EVA1A: variants seen among roughly 807,000 people sequenced by gnomAD.
The protein encoded by EVA1A is eva-1 homolog A, regulator of programmed cell death, also known as protein eva-1 homolog A.
EVA1A carries 7 observed loss-of-function variants against 9.8 expected under a neutral mutation model. That is an observed-to-expected ratio of 0.71 (90% CI 0.41 to 1.34). EVA1A has a LOEUF of 1.34. EVA1A is among the 40% of genes most tolerant of loss of function. The pLI, the probability that EVA1A is intolerant of heterozygous loss-of-function variation, is 0.01. For missense variants in EVA1A, 206 were observed against 205.9 expected (o/e 1.00, Z 0.00); for synonymous variants, 90 against 85.6 (o/e 1.05, Z -0.28).
chr2:75,545,618 C>T (rs1044828868), intron 1 of EVA1A, among the ~76,000 whole-genome samples: 8 of 151,680 alleles, frequency 5.3e-5, no homozygotes, highest in Non-Finnish European at 1.2e-4. Flanking sequence ...AAGTGGTGAC[C>T]AGACATGTGA....
At chr2:75,493,851 C>T (rs1674112921) in intron 3 of EVA1A, among the ~76,000 whole-genome samples, 2 of 152,228 alleles carry the variant, frequency 1.3e-5, no homozygotes, top group South Asian at 2.1e-4. Flanking sequence ...AGATTATTCC[C>T]AAATGAAAAG....
chr2:75,522,804 A>C lies in EVA1A; in HGVS notation c.-191-317T>G, dbSNP rs150822775. On this transcript the variant is annotated intron_variant, in intron 1 of 3. Transcript: ENST00000393913. ...CAAAACAGCTAGTGTGGGATGTCCC[A>C]ATCTGGCCCCTCATCAGTGAAGTTT... Among the ~76,000 whole-genome samples, 286 of 152,350 alleles carry C rather than the reference A, an allele frequency of 1.9e-3. 1 individual carries two copies. Among genetic ancestry groups the C allele is most frequent in the African/African-American group, 6.4e-3 (265 of 41,592 alleles).
intron 3 of EVA1A, among the ~76,000 whole-genome samples, chr2:75,507,395 G>A (rs796705936): frequency 3.9e-5 from 6 of 152,168 alleles, no homozygotes; most frequent in African/African-American, 1.4e-4. Context: ...ACTGCAAATT[G>A]AGTATTCAGG....
intron 1 of EVA1A, among the ~76,000 whole-genome samples, chr2:75,531,886 G>A (rs112181008): frequency 0.031 from 4,756 of 152,158 alleles, 246 homozygotes; most frequent in African/African-American, 0.11. Context: ...ATGGCTGAGC[G>A]CGGTGGCTCA....
intron 3 of EVA1A, among the ~76,000 whole-genome samples, chr2:75,514,940 T>A (rs1343137308): frequency 6.6e-6 from 1 of 152,204 alleles, no homozygotes; most frequent in Non-Finnish European, 1.5e-5. Flanking sequence ...GTGTAAGTAC[T>A]CATCTCCCCA....
At chr2:75,525,793 T>A (rs1421447330) in intron 1 of EVA1A, among the ~76,000 whole-genome samples, 1 of 152,230 alleles carries the variant, frequency 6.6e-6, no homozygotes, top group Non-Finnish European at 1.5e-5. Flanking sequence ...ATGGTCCTAG[T>A]CAAGACTTAC....
chr2:75,520,846 G>A lies in EVA1A; in HGVS notation c.-69+1519C>T, dbSNP rs375515979. Among the ~76,000 whole-genome samples the A allele has an allele frequency of 3.3e-5, 5 of 152,080 alleles. No individual in the cohort carries two copies. The East Asian group carries it at 7.7e-4, about 23-fold the overall frequency. On this transcript the variant is annotated intron_variant, in intron 2 of 3. Coordinates refer to ENST00000393913, the MANE Select transcript of EVA1A (RefSeq NM_001135032.2). ...GCAACAAAAGTAAAAAAAAAGAAAA[G>A]GACTCTATGAAAATTAAAAACTTCT...
At chr2:75,513,144 C>T (rs975674609) in intron 3 of EVA1A, among the ~76,000 whole-genome samples, 4 of 152,000 alleles carry the variant, frequency 2.6e-5, no homozygotes, top group Admixed American at 1.3e-4. Flanking sequence ...GATATTGGCC[C>T]CTACATTTTT....
intron 1 of EVA1A, among the ~76,000 whole-genome samples, chr2:75,532,029 G>A (rs1431518777): frequency 2.6e-5 from 4 of 151,662 alleles, no homozygotes; most frequent in African/African-American, 4.8e-5. Context: ...GTGTGGTGGC[G>A]GGTGCCTGTG....
chr2:75,511,030 T>C (rs1674794054), intron 3 of EVA1A, among the ~76,000 whole-genome samples: 1 of 152,212 alleles, frequency 6.6e-6, no homozygotes, highest in African/African-American at 2.4e-5. Flanking sequence ...CTCACAAACC[T>C]GAAAATATTT....
chr2:75,515,448 G>T lies in EVA1A; in HGVS notation c.85+2608C>A, dbSNP rs1674969860. Among the ~76,000 whole-genome samples, 6 of 152,194 alleles carry T rather than the reference G, an allele frequency of 3.9e-5. No homozygotes were observed. In the South Asian group the frequency reaches 1.2e-3, roughly 31 times the overall value. Reference sequence around the variant, plus strand: ...AAATTATACTGGTGTTTGATAACTTGTACAGAGTGAGAAAGGGTCACTTTT... The same window carrying T: ...AAATTATACTGGTGTTTGATAACTTTTACAGAGTGAGAAAGGGTCACTTTT... On this transcript the variant is annotated intron_variant, in intron 3 of 3. Coordinates refer to ENST00000393913, the MANE Select transcript of EVA1A (RefSeq NM_001135032.2).
intron 3 of EVA1A, among the ~76,000 whole-genome samples, chr2:75,495,242 C>A (rs939171440): frequency 6.6e-6 from 1 of 152,094 alleles, no homozygotes; most frequent in African/African-American, 2.4e-5. Flanking sequence ...GGGAGACAGA[C>A]GAAAGCAATG....
upstream of EVA1A, among the ~76,000 whole-genome samples, chr2:75,564,264 G>A (rs1361229984): frequency 6.6e-6 from 1 of 152,222 alleles, no homozygotes; most frequent in Non-Finnish European, 1.5e-5. Context: ...GAGTCCATGT[G>A]CACAGGCACA....
chr2:75,538,337 A>T (rs1485120962), intron 1 of EVA1A, among the ~76,000 whole-genome samples: 1 of 152,180 alleles, frequency 6.6e-6, no homozygotes, highest in African/African-American at 2.4e-5. Context: ...TGAGTTCAGC[A>T]CGGTTGCAGG....
chr2:75,548,984 AT>A (rs56120300), intron 1 of EVA1A, among the ~76,000 whole-genome samples: 5 of 119,478 alleles, frequency 4.2e-5, no homozygotes, highest in African/African-American at 7.0e-5. Context: ...TAAATGAAAA[AT>A]ATATATATAT....
chr2:75,498,463 G>A (rs1319133595), intron 3 of EVA1A, among the ~76,000 whole-genome samples: 4 of 151,512 alleles, frequency 2.6e-5, no homozygotes, highest in Non-Finnish European at 5.9e-5. Context: ...AACTGCACGG[G>A]TACCCCCAAA....
chr2:75,557,259 G>A (rs551959625), intron 1 of EVA1A, among the ~76,000 whole-genome samples: 4 of 152,152 alleles, frequency 2.6e-5, no homozygotes, highest in Admixed American at 1.3e-4. Flanking sequence ...GGTTTTCAAA[G>A]CCAAGGCTGC....
chr2:75,534,461 G>A (rs766714517), intron 1 of EVA1A, among the ~76,000 whole-genome samples: 4 of 146,362 alleles, frequency 2.7e-5, no homozygotes, highest in South Asian at 2.1e-4. Context: ...AAAACACTAC[G>A]AACAAATCAA....
chr2:75,541,181 C>A (rs1676104476), intron 1 of EVA1A, among the ~76,000 whole-genome samples: 1 of 152,172 alleles, frequency 6.6e-6, no homozygotes, highest in Non-Finnish European at 1.5e-5. Context: ...ACCTGCAGAG[C>A]TTTAAAACTG....
Sources: gnomAD v4.1 joint callset for allele counts (sites outside exome capture counted in the v4.1 genomes callset) on GRCh38, gnomAD v4.1.1 for gene constraint, MANE v1.5 for transcripts, NCBI Gene and HGNC (gene_info 2026-07-23, HGNC 2026-07-21) for gene names.